The following TRIO variants were observed in gnomAD, a reference collection of about 807,000 sequenced individuals.
TRIO encodes triple functional domain protein.
TRIO carries 58 observed loss-of-function variants against 351.9 expected under a neutral mutation model. The observed-to-expected ratio is 0.16, with a 90% CI of 0.13 to 0.21. The LOEUF (loss-of-function observed/expected upper bound fraction) is 0.21, where lower values mean the gene tolerates loss of function less well. TRIO is among the 10% of genes least tolerant of loss of function. TRIO has a pLI of 1.00. For synonymous variants in TRIO, 1,758 were observed against 1,595.7 expected (o/e 1.10, Z -2.42); for missense variants, 3,201 against 4,027.8 (o/e 0.79, Z 5.56).
At chr5:14,504,008 A>G (rs1488055808) in intron 54 of TRIO, among the ~76,000 whole-genome samples, 1 of 152,244 alleles carries the variant, frequency 6.6e-6, no homozygotes, top group Non-Finnish European at 1.5e-5. Context: ...TCAAACGTGC[A>G]GGGAAAGGTG....
chr5:14,465,625 C>A lies in TRIO; in HGVS notation c.5748C>A (p.Leu1916=). ...AAELVSAIEE[L]VKSKMALEDR... ...AGCTCGTCAGTGCAATTGAGGAACT[C>A]GTGAAAAGCAAGATGGTGAGGCCTC... Residue 1916 remains leucine (L), a synonymous_variant, in exon 37 of 57, where the codon CTC becomes CTA. Transcript: ENST00000344204. 1 of 1,614,058 alleles carries A rather than the reference C, an allele frequency of 6.2e-7. No individual in the cohort carries two copies.
chr5:14,508,995 A>G lies in TRIO; in HGVS notation c.*573A>G. 1 of 168,896 alleles carries G rather than the reference A, an allele frequency of 5.9e-6. No homozygotes were observed. The highest frequency in any genetic ancestry group is 1.3e-5 in the Non-Finnish European group (1 of 78,464). 10.5% of individuals were successfully genotyped at this position (168,896 alleles called of 1,614,324 possible). ...GAATGAATCGTTTTGCTCTGATGAAATGTAGGCCTTACTTGTATATAAGAC... is the reference window on the plus strand; with the variant it reads ...GAATGAATCGTTTTGCTCTGATGAAGTGTAGGCCTTACTTGTATATAAGAC... On this transcript the variant is annotated 3_prime_UTR_variant, in exon 57 of 57. Coordinates refer to ENST00000344204, the MANE Select transcript of TRIO (RefSeq NM_007118.4).
intron 1 of TRIO, among the ~76,000 whole-genome samples, chr5:14,174,170 T>C (rs26116): frequency 0.091 from 13,908 of 152,298 alleles, 737 homozygotes; most frequent in African/African-American, 0.13. Flanking sequence ...CTTCTGTTGC[T>C]GTGGTTGTTA....
chr5:14,182,075 T>A (rs1789806604), intron 1 of TRIO, among the ~76,000 whole-genome samples: 1 of 148,844 alleles, frequency 6.7e-6, no homozygotes, highest in African/African-American at 2.5e-5. Context: ...CTTTTGGTTC[T>A]TCCTGTTCAA....
intron 1 of TRIO, among the ~76,000 whole-genome samples, chr5:14,172,544 A>G (rs988010642): frequency 3.3e-5 from 5 of 152,212 alleles, no homozygotes; most frequent in Non-Finnish European, 7.3e-5. Flanking sequence ...ACAACAGTTG[A>G]TTAAACCAAA....
At chr5:14,232,919 C>T (rs1277919552) in intron 1 of TRIO, among the ~76,000 whole-genome samples, 1 of 152,158 alleles carries the variant, frequency 6.6e-6, no homozygotes, top group African/African-American at 2.4e-5. Context: ...GCTGGGGGTG[C>T]CAGGGCAGGC....
In TRIO at chr5:14,359,464, T is replaced by A; in HGVS notation, c.2324T>A (p.Phe775Tyr). 1 of 1,614,274 alleles carries A rather than the reference T, an allele frequency of 6.2e-7. No homozygotes were observed. Among genetic ancestry groups the A allele is most frequent in the Non-Finnish European group, 8.5e-7 (1 of 1,180,042 alleles). The change falls in exon 13 of 57, where the codon TTC (phenylalanine) becomes TAC (tyrosine). Residue 775 changes from phenylalanine to tyrosine, a missense_variant. This residue lies in a region of TRIO where 363 missense variants were observed against 553.5 expected (regional missense o/e 0.66). Transcript: ENST00000344204. ...DEAQSQMEELFQERKIKLELF... is the reference protein window; with the variant it reads ...DEAQSQMEELYQERKIKLELF... The stretch of plus-strand genomic sequence containing the variant: ...GCGCAGTCGCAGATGGAGGAGCTCT[T>A]CCAGGAGCGCAAGATCAAGCTGGAG...
intron 48 of TRIO, 172 bp from the exon 49 acceptor site, chr5:14,492,395 T>TG (rs1756554049): frequency 1.3e-6 from 1 of 782,490 alleles, no homozygotes; most frequent in Non-Finnish European, 2.0e-6. Context: ...TTGAAATAGA[T>TG]GCACACAGTT....
chr5:14,359,298 GGTATCTAACAAT>G, intron 12 of TRIO, 47 bp from the exon 13 acceptor site: 4 of 1,569,966 alleles, frequency 2.5e-6, no homozygotes, highest in Non-Finnish European at 3.5e-6. Context: ...GGCCGGATCT[GGTATCTAACAAT>G]GTGTGACTTT....
chr5:14,401,543 G>A (rs541233266), intron 31 of TRIO, among the ~76,000 whole-genome samples: 8 of 152,296 alleles, frequency 5.3e-5, no homozygotes, highest in African/African-American at 1.9e-4. Context: ...GTTTGGAGAC[G>A]GAGGGAAAGA....
At chr5:14,247,511 T>G (rs1794506686) in intron 1 of TRIO, among the ~76,000 whole-genome samples, 1 of 152,236 alleles carries the variant, frequency 6.6e-6, no homozygotes, top group South Asian at 2.1e-4. Context: ...GAAGTGATGT[T>G]GAAGAAACTC....
intron 2 of TRIO, among the ~76,000 whole-genome samples, chr5:14,277,218 G>A (rs1735604564): frequency 6.6e-6 from 1 of 152,186 alleles, no homozygotes; most frequent in South Asian, 2.1e-4. Context: ...TATGTAAATT[G>A]TACCATTTCC....
At chr5:14,502,156 G>T (rs1449371759) in intron 53 of TRIO, among the ~76,000 whole-genome samples, 2 of 152,152 alleles carry the variant, frequency 1.3e-5, no homozygotes, top group Non-Finnish European at 2.9e-5. Context: ...GAGCAACTTA[G>T]CCTCGAGGTG....
intron 49 of TRIO, among the ~76,000 whole-genome samples, chr5:14,493,201 C>T (rs1015660278): frequency 1.3e-5 from 2 of 150,760 alleles, no homozygotes; most frequent in African/African-American, 5.0e-5. Flanking sequence ...AGTCAGGGTC[C>T]TTCAGAGGAG....
chr5:14,460,133 G>A (rs997572744), intron 34 of TRIO, among the ~76,000 whole-genome samples: 1 of 152,148 alleles, frequency 6.6e-6, no homozygotes, highest in Non-Finnish European at 1.5e-5. Flanking sequence ...AGCCAGGATA[G>A]TCTCGATCTC....
At chr5:14,223,816 C>T (rs963840451) in intron 1 of TRIO, among the ~76,000 whole-genome samples, 3 of 152,076 alleles carry the variant, frequency 2.0e-5, no homozygotes, top group Non-Finnish European at 4.4e-5. Flanking sequence ...AAATTCCTAT[C>T]GAATTTTAGT....
chr5:14,450,816 GT>G (rs1328937131), intron 34 of TRIO, among the ~76,000 whole-genome samples: 3 of 152,212 alleles, frequency 2.0e-5, no homozygotes, highest in Admixed American at 2.0e-4. Context: ...ACCCAGGTAT[GT>G]GCAGAGAAGG....
intron 1 of TRIO, among the ~76,000 whole-genome samples, chr5:14,170,589 G>A (rs778974830): frequency 1.4e-5 from 2 of 147,966 alleles, no homozygotes; most frequent in Admixed American, 6.9e-5. Context: ...TCACTGCAAC[G>A]TCCACCTCCT....
chr5:14,379,468 G>A (rs958044863), intron 20 of TRIO, among the ~76,000 whole-genome samples: 5 of 152,136 alleles, frequency 3.3e-5, no homozygotes, highest in African/African-American at 9.7e-5. Flanking sequence ...GGGATCTGGC[G>A]CCCCACCTTG....
Sources: allele counts gnomAD v4.1 joint callset (sites outside exome capture counted in the v4.1 genomes callset), GRCh38; gene constraint gnomAD v4.1.1; regional missense constraint gnomAD v4.1.1; transcripts MANE v1.5; gene names NCBI Gene and HGNC (gene_info 2026-07-23, HGNC 2026-07-21).